MFHAS1: variants seen among roughly 807,000 people sequenced by gnomAD.
The protein encoded by MFHAS1 is malignant fibrous histiocytoma-amplified sequence 1.
In MFHAS1, 50 loss-of-function variants were observed where a neutral mutation model predicts 70.4. The ratio of observed to expected loss-of-function variants is 0.71; its 90% CI spans 0.57 to 0.90. MFHAS1 has a LOEUF of 0.90. Ranked by LOEUF, MFHAS1 falls within the 40% of genes least tolerant of loss-of-function variation. The pLI is 0.00. For synonymous variants in MFHAS1, 952 were observed against 620.0 expected, an observed-to-expected ratio of 1.54 and a Z score of -7.96; for missense variants, 1,795 against 1,347.6, an observed-to-expected ratio of 1.33 and a Z score of -5.20.
In MFHAS1 at chr8:8,785,650, A is replaced by G; in HGVS notation, c.*372T>C. 1 of 207,572 alleles carries G rather than the reference A, an allele frequency of 4.8e-6. No individual in the cohort carries two copies. The highest frequency in any genetic ancestry group is 9.8e-6 in the Non-Finnish European group (1 of 102,486). The allele number at this position is 207,572 out of a possible 1,614,324, so 12.9% of individuals were successfully genotyped here. Reference sequence around the variant, plus strand: ...CCCTCTTTCACATTTAACAGAACTGAAATCTGAGTGCTCTAAATACTGCCA... The same window carrying G: ...CCCTCTTTCACATTTAACAGAACTGGAATCTGAGTGCTCTAAATACTGCCA... On this transcript the variant is annotated 3_prime_UTR_variant, in exon 3 of 3. Transcript: ENST00000276282.
rs370263105 is a variant in MFHAS1, at chr8:8,838,833, G to A, written c.2999-41342C>T. Among the ~76,000 whole-genome samples, 348 of 148,902 alleles carry A rather than the reference G, an allele frequency of 2.3e-3. 2 individuals carry two copies. Among genetic ancestry groups the A allele is most frequent in the African/African-American group, 7.9e-3 (322 of 40,718 alleles). ...CCTCAAAAAAAAAAAAAAAATCCAC[G>A]TACCTTCAAGCTTCTCTTCTCCCTT... On this transcript the variant is annotated intron_variant, in intron 1 of 2. Coordinates refer to ENST00000276282, the MANE Select transcript of MFHAS1 (RefSeq NM_004225.3).
intron 1 of MFHAS1, among the ~76,000 whole-genome samples, chr8:8,798,171 A>T (rs897693325): frequency 1.2e-4 from 18 of 152,204 alleles, no homozygotes; most frequent in African/African-American, 4.3e-4. Context: ...CTTCAACTAG[A>T]TCATTACATC....
At chr8:8,786,578 C>G (rs1364758156) in intron 2 of MFHAS1, among the ~76,000 whole-genome samples, 2 of 152,152 alleles carry the variant, frequency 1.3e-5, no homozygotes, top group Admixed American at 6.5e-5. Flanking sequence ...AATGAATAAA[C>G]TACTGCAGCC....
intron 1 of MFHAS1, among the ~76,000 whole-genome samples, chr8:8,858,568 T>C (rs891152197): frequency 7.9e-5 from 12 of 152,140 alleles, no homozygotes; most frequent in South Asian, 6.2e-4. Context: ...AATATGCCTT[T>C]TGGGGGATAC....
At chr8:8,880,847 G>A (rs1426309519) in intron 1 of MFHAS1, among the ~76,000 whole-genome samples, 3 of 151,986 alleles carry the variant, frequency 2.0e-5, no homozygotes, top group Non-Finnish European at 4.4e-5. Context: ...ACCACACCTG[G>A]CTAATTTTTG....
intron 1 of MFHAS1, among the ~76,000 whole-genome samples, chr8:8,867,809 G>T (rs1821008): frequency 6.6e-6 from 1 of 151,724 alleles, no homozygotes; most frequent in Non-Finnish European, 1.5e-5. Flanking sequence ...GGCCCACCTC[G>T]GCCTCCCAAA....
intron 1 of MFHAS1, among the ~76,000 whole-genome samples, chr8:8,888,788 G>C (rs73662206): frequency 6.6e-6 from 1 of 152,098 alleles, no homozygotes; most frequent in African/African-American, 2.4e-5. Context: ...CAGGTCATTG[G>C]ACATTTGTCC....
chr8:8,863,178 A>C (rs1440493747), intron 1 of MFHAS1, among the ~76,000 whole-genome samples: 1 of 152,174 alleles, frequency 6.6e-6, no homozygotes, highest in African/African-American at 2.4e-5. Context: ...CTGTTCCATC[A>C]ATCTATCTGT....
intron 1 of MFHAS1, among the ~76,000 whole-genome samples, chr8:8,868,816 A>G (rs950044934): frequency 6.6e-6 from 1 of 152,148 alleles, no homozygotes; most frequent in Non-Finnish European, 1.5e-5. Flanking sequence ...TTCATATGCA[A>G]ACAGCACCTC....
At chr8:8,797,083 G>T (rs1805929161) in intron 2 of MFHAS1, among the ~76,000 whole-genome samples, 1 of 150,760 alleles carries the variant, frequency 6.6e-6, no homozygotes, top group African/African-American at 2.5e-5. Context: ...TTAGGTAAGT[G>T]AACTGTGGTA....
Position 8,890,637 on chromosome 8 carries a change from T to C in MFHAS1, c.2422A>G (p.Lys808Glu), listed in dbSNP as rs1220999283. 6.2e-7 allele frequency: 1 copy of C among 1,613,736 alleles called. No individual in the cohort carries two copies. ...TCCTGCTGGGCCTGGACATGAGGCTTAAGCAGCAACCGAATGACATGAGCT... is the reference window on the plus strand; with the variant it reads ...TCCTGCTGGGCCTGGACATGAGGCTCAAGCAGCAACCGAATGACATGAGCT... ...LPAHVIRLLL[K>E]PHVQAQQDLQ... Residue 808 changes from lysine (K) to glutamate (E), a missense_variant, in exon 1 of 3, where the codon AAG becomes GAG. Lys to Glu is a moderately conservative substitution (Grantham distance 56). Transcript: ENST00000276282.
intron 1 of MFHAS1, among the ~76,000 whole-genome samples, chr8:8,877,944 G>C (rs954953121): frequency 6.6e-6 from 1 of 152,170 alleles, no homozygotes; most frequent in Non-Finnish European, 1.5e-5. Context: ...CCCTAGGCCT[G>C]CTGAAGTCTT....
At chr8:8,796,274 C>G (rs551854505) in intron 2 of MFHAS1, among the ~76,000 whole-genome samples, 5 of 152,256 alleles carry the variant, frequency 3.3e-5, no homozygotes, top group African/African-American at 1.2e-4. Context: ...GGACTGACTC[C>G]GCAATCAGAA....
At chr8:8,881,446 A>T (rs1809519198) in intron 1 of MFHAS1, among the ~76,000 whole-genome samples, 1 of 152,160 alleles carries the variant, frequency 6.6e-6, no homozygotes, top group Non-Finnish European at 1.5e-5. Flanking sequence ...TGTAACCTGT[A>T]CACACTTTCC....
At chr8:8,788,748 G>T (rs1281722841) in intron 2 of MFHAS1, among the ~76,000 whole-genome samples, 3 of 152,214 alleles carry the variant, frequency 2.0e-5, no homozygotes, top group Non-Finnish European at 4.4e-5. Flanking sequence ...GGATGGTTAC[G>T]GGAGGCTCCC....
chr8:8,822,856 G>A (rs1413658051), intron 1 of MFHAS1, among the ~76,000 whole-genome samples: 1 of 152,158 alleles, frequency 6.6e-6, no homozygotes, highest in South Asian at 2.1e-4. Flanking sequence ...CCAAGTCAGG[G>A]GGACTGAGAC....
intron 1 of MFHAS1, among the ~76,000 whole-genome samples, chr8:8,881,734 T>C (rs1212474274): frequency 3.4e-5 from 5 of 148,840 alleles, no homozygotes; most frequent in Non-Finnish European, 7.4e-5. Flanking sequence ...CTCGAGAGGC[T>C]GAGACAGGAG....
Position 8,785,847 on chromosome 8 carries a change from C to G in MFHAS1, c.*175G>C, listed in dbSNP as rs1421963184. 9 of 501,476 alleles carry G rather than the reference C, an allele frequency of 1.8e-5. 1 individual carries two copies. The highest frequency in any genetic ancestry group is 1.4e-4 in the Admixed American group (5 of 35,082). 31.1% of individuals were successfully genotyped at this position (501,476 alleles called of 1,614,324 possible). ...CCATGTTCTCGTCCATGCTTCCCCC[C>G]ACCACCCCCTCCCCACCTCTTCCCC... On this transcript the variant is annotated 3_prime_UTR_variant, in exon 3 of 3. Coordinates refer to ENST00000276282, the MANE Select transcript of MFHAS1 (RefSeq NM_004225.3).
At chr8:8,789,327 T>C (rs917309486) in intron 2 of MFHAS1, among the ~76,000 whole-genome samples, 1 of 152,202 alleles carries the variant, frequency 6.6e-6, no homozygotes, top group African/African-American at 2.4e-5. Flanking sequence ...GCTACGCTGT[T>C]ACCCAAGACA....
Sources: gnomAD v4.1 joint callset for allele counts (sites outside exome capture counted in the v4.1 genomes callset) on GRCh38, gnomAD v4.1.1 for gene constraint, MANE v1.5 for transcripts, NCBI Gene and HGNC (gene_info 2026-07-23, HGNC 2026-07-21) for gene names.